The following TECRL variants were observed in gnomAD, a reference collection of about 807,000 sequenced individuals.
TECRL encodes the protein trans-2,3-enoyl-CoA reductase like, also known as trans-2,3-enoyl-CoA reductase-like.
In TECRL, 63 loss-of-function variants were observed where a neutral mutation model predicts 52.8. The ratio of observed to expected loss-of-function variants is 1.19; its 90% CI spans 0.97 to 1.47. The LOEUF (loss-of-function observed/expected upper bound fraction) is 1.47. Among genes scored for constraint, TECRL ranks in the 40% most tolerant of loss-of-function variants. The probability of loss-of-function intolerance (pLI) is 0.00; values close to 1 mark genes in which losing one functional copy is unlikely to be tolerated. For missense variants in TECRL, 482 were observed against 429.6 expected (o/e 1.12, Z -1.08); for synonymous variants, 164 against 141.9 (o/e 1.16, Z -1.10).
chr4:64,388,828 A>T (rs895124231), intron 1 of TECRL, among the ~76,000 whole-genome samples: 2 of 151,930 alleles, frequency 1.3e-5, no homozygotes, highest in African/African-American at 4.8e-5. Context: ...AATAATGTGA[A>T]TATGCATAAA....
At chr4:64,286,542 A>T (rs1272210618) in intron 9 of TECRL, among the ~76,000 whole-genome samples, 2 of 152,030 alleles carry the variant, frequency 1.3e-5, no homozygotes, top group Non-Finnish European at 2.9e-5. Flanking sequence ...CGTAAAAAAA[A>T]AAAACATGGA....
chr4:64,382,751 CTG>C (rs1722904675), intron 1 of TECRL, among the ~76,000 whole-genome samples: 1 of 151,888 alleles, frequency 6.6e-6, no homozygotes, highest in Non-Finnish European at 1.5e-5. Context: ...ATTTTTATAA[CTG>C]TTATTCTATT....
At chr4:64,318,895 T>A (rs1302079223) in intron 4 of TECRL, among the ~76,000 whole-genome samples, 1 of 151,904 alleles carries the variant, frequency 6.6e-6, no homozygotes, top group Non-Finnish European at 1.5e-5. Flanking sequence ...AGGTTAAGTC[T>A]AAAGGATAAA....
chr4:64,309,349 A>T (rs943696555), intron 6 of TECRL, among the ~76,000 whole-genome samples: 2 of 152,146 alleles, frequency 1.3e-5, no homozygotes, highest in African/African-American at 4.8e-5. Flanking sequence ...AATATTTTAC[A>T]TATTTTTTCA....
intron 2 of TECRL, among the ~76,000 whole-genome samples, chr4:64,345,907 C>CAAAAAAAAAA (rs777171822): frequency 0.16 from 3,620 of 23,316 alleles, 1,640 homozygotes; most frequent in Admixed American, 0.2. Flanking sequence ...GCCTCAACAG[C>CAAAAAAAAAA]AAAAAAAAAA....
In TECRL at chr4:64,280,038, G is replaced by T; in HGVS notation, c.*34C>A. On this transcript the variant is annotated 3_prime_UTR_variant, in exon 12 of 12. Coordinates refer to ENST00000381210, the MANE Select transcript of TECRL (RefSeq NM_001010874.5). ...TAAGTCTTATTTATTGAATTTATAT[G>T]TTGCTGTTTTCTATAGGAGATAAGA... The T allele has an allele frequency of 6.4e-7, 1 of 1,562,040 alleles. No homozygotes were observed. Among genetic ancestry groups the T allele is most frequent in the South Asian group, 1.2e-5 (1 of 84,588 alleles).
intron 2 of TECRL, among the ~76,000 whole-genome samples, chr4:64,346,431 A>C (rs1362771172): frequency 1.3e-5 from 2 of 152,230 alleles, no homozygotes; most frequent in African/African-American, 4.8e-5. Flanking sequence ...GGGGGTTTCC[A>C]TACCTCCTCT....
intron 2 of TECRL, among the ~76,000 whole-genome samples, chr4:64,367,153 G>A (rs1463340033): frequency 1.3e-5 from 2 of 152,082 alleles, no homozygotes; most frequent in African/African-American, 4.8e-5. Context: ...CAAATACTGT[G>A]TGTTCTCACT....
intron 1 of TECRL, among the ~76,000 whole-genome samples, chr4:64,392,692 C>G (rs1435680386): frequency 6.6e-6 from 1 of 151,910 alleles, no homozygotes; most frequent in Non-Finnish European, 1.5e-5. Flanking sequence ...CATATAAACT[C>G]TTCTCTCCTG....
chr4:64,353,311 A>C (rs1468474756), intron 2 of TECRL, among the ~76,000 whole-genome samples: 1 of 152,170 alleles, frequency 6.6e-6, no homozygotes, highest in East Asian at 1.9e-4. Context: ...AAGGAGCTTC[A>C]ACTTGATGCT....
chr4:64,398,308 T>C (rs1577994040), intron 1 of TECRL, among the ~76,000 whole-genome samples: 1 of 152,128 alleles, frequency 6.6e-6, no homozygotes, highest in East Asian at 1.9e-4. Flanking sequence ...TCAAATCTCA[T>C]GTGAAATGGA....
intron 7 of TECRL, 45 bp downstream of exon 7, chr4:64,305,121 G>T (rs1724252545): frequency 8.7e-6 from 12 of 1,384,658 alleles, no homozygotes; most frequent in Non-Finnish European, 1.2e-5. Context: ...GAGTTTTTAG[G>T]TTGGTCCTTT....
chr4:64,399,192 A>G (rs1047882794), intron 1 of TECRL, among the ~76,000 whole-genome samples: 1 of 152,104 alleles, frequency 6.6e-6, no homozygotes, highest in Non-Finnish European at 1.5e-5. Context: ...CCACGAGTGT[A>G]TTCTCTCCCT....
chr4:64,361,137 C>G (rs981491076), intron 2 of TECRL, among the ~76,000 whole-genome samples: 1 of 152,144 alleles, frequency 6.6e-6, no homozygotes, highest in Non-Finnish European at 1.5e-5. Context: ...ACAGCCTCAG[C>G]TTGTCAGTGG....
In TECRL at chr4:64,408,979, G is replaced by A. The variant is rs1163223806; in HGVS notation, c.234+139C>T. The A allele has an allele frequency of 5.5e-6, 4 of 731,614 alleles. No homozygotes were observed. The Admixed American group carries it at 1.1e-4, about 21-fold the overall frequency. 45.3% of individuals were successfully genotyped at this position (731,614 alleles called of 1,614,324 possible). On this transcript the variant is annotated intron_variant, in intron 1 of 11. Coordinates refer to ENST00000381210, the MANE Select transcript of TECRL (RefSeq NM_001010874.5). ...AAACAATGCATAAAGTATGCATCCT[G>A]TTCACCACAAAATTAAGGTAAAAGT...
chr4:64,396,083 T>C (rs192530699), intron 1 of TECRL, among the ~76,000 whole-genome samples: 92 of 152,240 alleles, frequency 6.0e-4, no homozygotes, highest in African/African-American at 2.1e-3. Flanking sequence ...CTGATGGGCA[T>C]TTAGGTTGAT....
chr4:64,372,301 G>A (rs926311799), intron 2 of TECRL, among the ~76,000 whole-genome samples: 4 of 151,796 alleles, frequency 2.6e-5, no homozygotes, highest in African/African-American at 7.2e-5. Context: ...TGCATTAAAT[G>A]AGAAAAGCAT....
intron 2 of TECRL, among the ~76,000 whole-genome samples, chr4:64,360,272 A>G (rs1187236252): frequency 6.6e-6 from 1 of 152,056 alleles, no homozygotes. Flanking sequence ...TTTAAATGTC[A>G]GATAGTCACT....
intron 1 of TECRL, among the ~76,000 whole-genome samples, chr4:64,408,822 A>G (rs139868606): frequency 5.9e-5 from 9 of 152,254 alleles, no homozygotes; most frequent in South Asian, 2.1e-4. Flanking sequence ...TAGGTTGAGC[A>G]TTTGTAATTT....
Sources: gnomAD v4.1 joint callset for allele counts (sites outside exome capture counted in the v4.1 genomes callset) on GRCh38, gnomAD v4.1.1 for gene constraint, MANE v1.5 for transcripts, NCBI Gene and HGNC (gene_info 2026-07-23, HGNC 2026-07-21) for gene names.